Variants in SUCLA2 observed in about 807,000 individuals in gnomAD.
SUCLA2 encodes the protein succinate-CoA ligase ADP-forming subunit beta.
In SUCLA2, 30 loss-of-function variants were observed where a neutral mutation model predicts 54.8. That is an observed-to-expected ratio of 0.55 (90% CI 0.41 to 0.74). The LOEUF (loss-of-function observed/expected upper bound fraction) is 0.74, where lower values mean the gene tolerates loss of function less well. Among genes scored for constraint, SUCLA2 ranks in the 30% least tolerant of loss-of-function variants. The pLI is 0.00. For missense variants in SUCLA2, 476 were observed against 562.9 expected, an observed-to-expected ratio of 0.85 and a Z score of 1.56; for synonymous variants, 172 against 188.9, an observed-to-expected ratio of 0.91 and a Z score of 0.74.
At chr13:47,977,010 A>C (rs1950019328) in intron 4 of SUCLA2, among the ~76,000 whole-genome samples, 1 of 152,072 alleles carries the variant, frequency 6.6e-6, no homozygotes, top group Non-Finnish European at 1.5e-5. Context: ...AGAAAAAAAA[A>C]AAATCAACAA....
chr13:47,993,799 G>C (rs554042496), intron 2 of SUCLA2, among the ~76,000 whole-genome samples: 1 of 152,310 alleles, frequency 6.6e-6, no homozygotes, highest in East Asian at 1.9e-4. Context: ...ACTTTGGGAG[G>C]GTGAGGCAGG....
chr13:47,983,808 C>T (rs1042126802), intron 4 of SUCLA2, among the ~76,000 whole-genome samples: 14 of 152,000 alleles, frequency 9.2e-5, no homozygotes, highest in Non-Finnish European at 1.8e-4. Context: ...TTTAGTTTTA[C>T]TCTCTTTTTA....
At chr13:47,994,911 G>C (rs1445210012) in intron 2 of SUCLA2, 1 of 955,032 alleles carries the variant, frequency 1.0e-6, no homozygotes, top group Non-Finnish European at 1.2e-6. Flanking sequence ...GAATCATTAA[G>C]TTTTTATAAG....
intron 2 of SUCLA2, among the ~76,000 whole-genome samples, chr13:47,991,985 TAG>T (rs36025887): frequency 0.23 from 34,942 of 151,904 alleles, 4,778 homozygotes; most frequent in African/African-American, 0.39. Context: ...CATGGCAAAT[TAG>T]AGAGTTTGTG....
chr13:47,983,757 G>C (rs1428611189), intron 4 of SUCLA2, among the ~76,000 whole-genome samples: 2 of 152,040 alleles, frequency 1.3e-5, no homozygotes, highest in African/African-American at 4.8e-5. Context: ...TCAAAGTGCT[G>C]GGATTACAGG....
chr13:47,989,279 C>A (rs550424236), intron 2 of SUCLA2, among the ~76,000 whole-genome samples: 26 of 150,324 alleles, frequency 1.7e-4, no homozygotes, highest in Admixed American at 4.7e-4. Flanking sequence ...GGCGCGATCT[C>A]GGCTCACTGT....
At chr13:47,978,422 C>A (rs977123313) in intron 4 of SUCLA2, among the ~76,000 whole-genome samples, 1 of 152,126 alleles carries the variant, frequency 6.6e-6, no homozygotes, top group African/African-American at 2.4e-5. Context: ...AGAAAGGATT[C>A]CCTATTTAAT....
Position 47,964,653 on chromosome 13 carries a change from C to T in SUCLA2, c.802+3942G>A, listed in dbSNP as rs374304550. ...CGGGCGGATCACAAGGCCAGGAGAT[C>T]GAGACCATCCTGGCTAACACGGTGA... On this transcript the variant is annotated intron_variant, in intron 6 of 10. Coordinates refer to ENST00000646932, the MANE Select transcript of SUCLA2 (RefSeq NM_003850.3). 1.6e-3 allele frequency among the ~76,000 whole-genome samples: 239 copies of T among 152,068 alleles called. 1 individual carries two copies. Among genetic ancestry groups the T allele is most frequent in the East Asian group, 8.0e-3 (41 of 5,150 alleles).
intron 1 of SUCLA2, among the ~76,000 whole-genome samples, chr13:47,998,296 T>TAAAAAAAAAAAAAAAAAAAAAA: frequency 7.3e-6 from 1 of 136,188 alleles, no homozygotes; most frequent in Non-Finnish European, 1.6e-5. Flanking sequence ...ATAAATAAGT[T>TAAAAAAAAAAAAAAAAAAAAAA]AAAAAAAAAA....
At chr13:47,999,524 G>A (rs1593507280) in intron 1 of SUCLA2, among the ~76,000 whole-genome samples, 1 of 152,004 alleles carries the variant, frequency 6.6e-6, no homozygotes, top group Admixed American at 6.6e-5. Flanking sequence ...TGGCTAACAC[G>A]GTGAAACCCC....
intron 5 of SUCLA2, 99 bp from the exon 6 acceptor site, chr13:47,968,832 CATGAGTCATT>C (rs1949939191): frequency 7.4e-7 from 1 of 1,352,920 alleles, no homozygotes; most frequent in African/African-American, 1.5e-5. Context: ...AAATGATAAA[CATGAGTCATT>C]TATAGTCAAA....
intron 2 of SUCLA2, among the ~76,000 whole-genome samples, chr13:47,989,367 T>C (rs1317144014): frequency 2.0e-5 from 3 of 152,116 alleles, no homozygotes; most frequent in Admixed American, 1.3e-4. Context: ...CCCGCCACCA[T>C]GCCTGGCTAA....
chr13:47,948,592 T>C (rs998945468), intron 10 of SUCLA2, among the ~76,000 whole-genome samples: 2 of 152,024 alleles, frequency 1.3e-5, no homozygotes, highest in Admixed American at 6.6e-5. Flanking sequence ...TTAGCCAGGA[T>C]CCTCCCTTAC....
intron 10 of SUCLA2, 147 bp downstream of exon 10, chr13:47,948,793 G>T: frequency 1.3e-6 from 1 of 798,610 alleles, no homozygotes; most frequent in Non-Finnish European, 2.1e-6. Flanking sequence ...ACATCTTTCA[G>T]CAAGAGTCAT....
chr13:47,949,347 T>TA (rs1361413647), intron 9 of SUCLA2, 136 bp downstream of exon 9: 1 of 1,094,736 alleles, frequency 9.1e-7, no homozygotes, highest in Non-Finnish European at 1.3e-6. Context: ...TTTTAAAAAC[T>TA]ATAGTTTTAA....
intron 10 of SUCLA2, chr13:47,946,088 A>C (rs1293786897): frequency 6.6e-6 from 1 of 152,232 alleles, no homozygotes; most frequent in Non-Finnish European, 1.5e-5. Flanking sequence ...TAAGCATTTT[A>C]TCATCTCATT....
intron 4 of SUCLA2, among the ~76,000 whole-genome samples, chr13:47,981,636 T>C (rs1950060921): frequency 6.6e-6 from 1 of 152,126 alleles, no homozygotes; most frequent in Non-Finnish European, 1.5e-5. Flanking sequence ...GCCAACATAG[T>C]GAAACCCTGT....
At chr13:47,948,158 T>C (rs998658167) in intron 10 of SUCLA2, among the ~76,000 whole-genome samples, 14 of 152,270 alleles carry the variant, frequency 9.2e-5, no homozygotes, top group African/African-American at 3.1e-4. Flanking sequence ...TGGGATTTGC[T>C]TGAAAATAAT....
rs74321792 is a variant in SUCLA2, at chr13:47,957,674, G to A, written c.803-3117C>T. On this transcript the variant is annotated intron_variant, in intron 6 of 10. Coordinates refer to ENST00000646932, the MANE Select transcript of SUCLA2 (RefSeq NM_003850.3). ...ATTTGTAGATTGAACAAGCCCAAAT[G>A]ACTGAGAGAGGGAAGCACCCTAACT... 5.8e-4 allele frequency among the ~76,000 whole-genome samples: 89 copies of A among 152,314 alleles called. No homozygotes were observed. The East Asian group carries it at 0.016, about 28-fold the overall frequency.
Sources: gnomAD v4.1 joint callset for allele counts (sites outside exome capture counted in the v4.1 genomes callset) on GRCh38, gnomAD v4.1.1 for gene constraint, MANE v1.5 for transcripts, NCBI Gene and HGNC (gene_info 2026-07-23, HGNC 2026-07-21) for gene names.